The following OXR1 variants were observed in gnomAD, a reference collection of about 807,000 sequenced individuals.
OXR1 encodes oxidation resistance protein 1.
In OXR1, 41 loss-of-function variants were observed where a neutral mutation model predicts 104.6. The ratio of observed to expected loss-of-function variants is 0.39; its 90% CI spans 0.31 to 0.51. The LOEUF is 0.51. OXR1 is among the 20% of genes least tolerant of loss of function. The pLI, the probability that OXR1 is intolerant of heterozygous loss-of-function variation, is 0.77. For missense variants in OXR1, 955 were observed against 1,031.9 expected, an observed-to-expected ratio of 0.93 and a Z score of 1.02; for synonymous variants, 348 against 348.4, an observed-to-expected ratio of 1.00 and a Z score of 0.01.
intron 2 of OXR1, among the ~76,000 whole-genome samples, chr8:106,400,244 G>T (rs1179871744): frequency 6.6e-6 from 1 of 152,104 alleles, no homozygotes; most frequent in Non-Finnish European, 1.5e-5. Flanking sequence ...AAGTGTTCAT[G>T]CTCCATATTT....
At chr8:106,605,494 C>T (rs1820302099) in intron 3 of OXR1, among the ~76,000 whole-genome samples, 1 of 151,906 alleles carries the variant, frequency 6.6e-6, no homozygotes, top group African/African-American at 2.4e-5. Flanking sequence ...CAAAGGCATT[C>T]CTAAAATCCT....
chr8:106,677,864 A>C (rs1296891474), intron 3 of OXR1, among the ~76,000 whole-genome samples: 1 of 152,110 alleles, frequency 6.6e-6, no homozygotes, highest in Non-Finnish European at 1.5e-5. Context: ...ATGGCAGTTC[A>C]TAATAGTTTT....
chr8:106,727,809 T>G (rs1166464480), intron 11 of OXR1, among the ~76,000 whole-genome samples: 2 of 152,190 alleles, frequency 1.3e-5, no homozygotes, highest in Non-Finnish European at 2.9e-5. Context: ...CATTGGTCAT[T>G]AGCTCTGCCC....
chr8:106,709,438 A>G (rs1831479493), intron 9 of OXR1, among the ~76,000 whole-genome samples: 1 of 152,128 alleles, frequency 6.6e-6, no homozygotes, highest in Admixed American at 6.6e-5. Context: ...TCAAAACATC[A>G]AAGACAGAAA....
At chr8:106,384,584 C>T (rs531130378) in intron 2 of OXR1, among the ~76,000 whole-genome samples, 203 of 152,138 alleles carry the variant, frequency 1.3e-3, no homozygotes, top group African/African-American at 4.2e-3. Context: ...AGGTATATTT[C>T]GAAATCAGGG....
chr8:106,408,923 C>T (rs1818352085), intron 2 of OXR1, among the ~76,000 whole-genome samples: 3 of 152,096 alleles, frequency 2.0e-5, no homozygotes, highest in Non-Finnish European at 1.5e-5. Context: ...TTATTGTTCC[C>T]GTTTCAGGGA....
intron 2 of OXR1, among the ~76,000 whole-genome samples, chr8:106,402,847 A>C (rs902414375): frequency 3.3e-5 from 5 of 151,864 alleles, no homozygotes; most frequent in Non-Finnish European, 7.4e-5. Context: ...TTGAGACAGA[A>C]TCTCGCTCTG....
At chr8:106,483,626 T>C (rs1822271060) in intron 2 of OXR1, among the ~76,000 whole-genome samples, 2 of 152,098 alleles carry the variant, frequency 1.3e-5, no homozygotes. Flanking sequence ...AAGTATCTGG[T>C]CCACTTGAAA....
chr8:106,638,491 A>G (rs1823344086), intron 3 of OXR1, among the ~76,000 whole-genome samples: 3 of 152,184 alleles, frequency 2.0e-5, no homozygotes, highest in Admixed American at 6.5e-5. Flanking sequence ...TATCCTCTGT[A>G]TCACTGGATT....
At chr8:106,405,910 G>A (rs1818219565) in intron 2 of OXR1, among the ~76,000 whole-genome samples, 1 of 152,142 alleles carries the variant, frequency 6.6e-6, no homozygotes, top group Non-Finnish European at 1.5e-5. Flanking sequence ...TGCAGTGATA[G>A]ATAACTGATA....
chr8:106,553,997 T>C (rs1476639746), intron 3 of OXR1, among the ~76,000 whole-genome samples: 1 of 152,216 alleles, frequency 6.6e-6, no homozygotes, highest in African/African-American at 2.4e-5. Context: ...TGAGTTTTCA[T>C]TATCCTGGAA....
chr8:106,301,673 T>C (rs1185065886), intron 1 of OXR1, among the ~76,000 whole-genome samples: 2 of 152,322 alleles, frequency 1.3e-5, no homozygotes, highest in African/African-American at 4.8e-5. Context: ...CTGTCTGATT[T>C]TGGTAAGTTA....
chr8:106,292,268 C>T (rs1192141991), intron 1 of OXR1, among the ~76,000 whole-genome samples: 1 of 152,110 alleles, frequency 6.6e-6, no homozygotes, highest in African/African-American at 2.4e-5. Flanking sequence ...GAAAGTGCTT[C>T]CTTTAAGTGA....
rs1813077460 is a variant in OXR1, at chr8:106,519,163, A to G, written c.220+24A>G. The G allele has an allele frequency of 4.0e-6, 6 of 1,494,726 alleles. No homozygotes were observed. The East Asian group carries it at 1.5e-4, about 37-fold the overall frequency. 92.6% of individuals were successfully genotyped at this position (1,494,726 alleles called of 1,614,324 possible). Reference sequence around the variant, plus strand: ...TGGTGAGCACCAGATGTTTTATGCAAGTGAATAGATGAAATCTACCTAAAT... The same window carrying G: ...TGGTGAGCACCAGATGTTTTATGCAGGTGAATAGATGAAATCTACCTAAAT... On this transcript the variant is annotated intron_variant, in intron 3 of 16. Coordinates refer to ENST00000517566, the MANE Select transcript of OXR1 (RefSeq NM_001198533.2).
At chr8:106,414,022 G>A (rs181656344) in intron 2 of OXR1, among the ~76,000 whole-genome samples, 97 of 152,104 alleles carry the variant, frequency 6.4e-4, no homozygotes, top group African/African-American at 2.1e-3. Flanking sequence ...GCCACTGCAC[G>A]CAGACTGCTA....
intron 2 of OXR1, among the ~76,000 whole-genome samples, chr8:106,373,397 G>C (rs949227676): frequency 6.6e-5 from 10 of 152,188 alleles, no homozygotes; most frequent in Non-Finnish European, 1.5e-4. Flanking sequence ...TAATGTGCGT[G>C]TGGTTTTAGT....
chr8:106,303,644 A>G (rs1472566923), intron 1 of OXR1, among the ~76,000 whole-genome samples: 1 of 152,214 alleles, frequency 6.6e-6, no homozygotes, highest in Non-Finnish European at 1.5e-5. Flanking sequence ...CGTTTATGGT[A>G]CACATGCTCA....
intron 3 of OXR1, among the ~76,000 whole-genome samples, chr8:106,634,280 A>G (rs943684310): frequency 6.6e-6 from 1 of 152,168 alleles, no homozygotes; most frequent in Non-Finnish European, 1.5e-5. Context: ...GTGGCATGCA[A>G]AGCTATAGCT....
intron 11 of OXR1, chr8:106,726,357 A>G (rs760959743): frequency 3.2e-6 from 3 of 949,782 alleles, no homozygotes; most frequent in Non-Finnish European, 1.5e-6. Context: ...TAGTCTTTTC[A>G]TGGTGACATT....
Sources: gnomAD v4.1 joint callset for allele counts (sites outside exome capture counted in the v4.1 genomes callset) on GRCh38, gnomAD v4.1.1 for gene constraint, MANE v1.5 for transcripts, NCBI Gene and HGNC (gene_info 2026-07-23, HGNC 2026-07-21) for gene names.